GALC: variants seen among roughly 807,000 people sequenced by gnomAD.
GALC encodes the protein galactosylceramidase, also known as galactocerebrosidase.
Under a neutral mutation model 91.8 loss-of-function variants are expected in GALC, and 77 were observed. That is an observed-to-expected ratio of 0.84 (90% CI 0.70 to 1.01). The LOEUF (loss-of-function observed/expected upper bound fraction) is 1.01, where lower values mean the gene tolerates loss of function less well. GALC is among the 50% of genes least tolerant of loss of function. The pLI is 0.00. For missense variants in GALC, 882 were observed against 855.9 expected (o/e 1.03, Z -0.38); for synonymous variants, 357 against 306.7 (o/e 1.16, Z -1.71).
At chr14:87,985,673 A>T (rs1382987419) in intron 4 of GALC, among the ~76,000 whole-genome samples, 1 of 152,222 alleles carries the variant, frequency 6.6e-6, no homozygotes, top group African/African-American at 2.4e-5. Context: ...AATAACTAGA[A>T]ATCAGGTCTT....
At chr14:87,972,108 T>C (rs1886316054) in intron 7 of GALC, among the ~76,000 whole-genome samples, 1 of 152,054 alleles carries the variant, frequency 6.6e-6, no homozygotes, top group African/African-American at 2.4e-5. Flanking sequence ...AAAATTGCAA[T>C]AGCCCAAAAT....
At chr14:87,945,874 G>A in intron 13 of GALC, 141 bp from the exon 14 acceptor site, 3 of 652,646 alleles carry the variant, frequency 4.6e-6, no homozygotes, top group Non-Finnish European at 7.9e-6. Flanking sequence ...TAGGGCCTAG[G>A]TCTAATAAAG....
chr14:87,952,146 C>A (rs1260733286), intron 10 of GALC, among the ~76,000 whole-genome samples: 1 of 151,586 alleles, frequency 6.6e-6, no homozygotes. Flanking sequence ...AAGAATTAAA[C>A]AAAAACAAAT....
intron 13 of GALC, among the ~76,000 whole-genome samples, chr14:87,946,142 C>T (rs1885062088): frequency 6.6e-6 from 1 of 152,018 alleles, no homozygotes; most frequent in South Asian, 2.1e-4. Context: ...TAAGCCAGCA[C>T]CTGGCAAGGG....
intron 7 of GALC, among the ~76,000 whole-genome samples, chr14:87,971,850 G>A (rs41366148): frequency 0.11 from 17,193 of 152,130 alleles, 1,144 homozygotes; most frequent in Non-Finnish European, 0.16. Context: ...ATCAGGAATG[G>A]TAGAGCTTCA....
chr14:87,952,656 A>T (rs143246123), intron 10 of GALC: 1 of 1,539,818 alleles, frequency 6.5e-7, no homozygotes, highest in African/African-American at 1.4e-5. Flanking sequence ...AAAACAGCAC[A>T]AAAATCTTGA....
chr14:87,941,352 G>C, intron 15 of GALC, 43 bp downstream of exon 15: 1 of 1,204,584 alleles, frequency 8.3e-7, no homozygotes, highest in Non-Finnish European at 1.2e-6. Flanking sequence ...AAGTAACATA[G>C]CCCATAAGTC....
intron 14 of GALC, among the ~76,000 whole-genome samples, chr14:87,945,222 A>G (rs765531230): frequency 2.0e-4 from 30 of 152,122 alleles, no homozygotes; most frequent in Middle Eastern, 3.4e-3. Flanking sequence ...CAAAACAAAA[A>G]CTTAAAAATA....
chr14:87,958,277 T>A (rs1885644796), intron 10 of GALC, among the ~76,000 whole-genome samples: 1 of 151,996 alleles, frequency 6.6e-6, no homozygotes, highest in Admixed American at 6.6e-5. Context: ...GAATTCAGCA[T>A]AATCTACTGT....
At chr14:87,991,858 T>C (rs544773348) in intron 1 of GALC, among the ~76,000 whole-genome samples, 130 of 152,278 alleles carry the variant, frequency 8.5e-4, no homozygotes, top group African/African-American at 3.0e-3. Flanking sequence ...ACCCTAGATA[T>C]AGTATCACAA....
intron 1 of GALC, 39 bp downstream of exon 1, chr14:87,992,931 C>T (rs1446402597): frequency 4.0e-6 from 6 of 1,495,298 alleles, no homozygotes; most frequent in Non-Finnish European, 5.3e-6. Context: ...GGGGCGGGCT[C>T]TTGCCGCCCC....
chr14:87,941,691 G>A, intron 14 of GALC, 133 bp from the exon 15 acceptor site: 4 of 707,824 alleles, frequency 5.7e-6, no homozygotes, highest in Non-Finnish European at 1.0e-5. Flanking sequence ...GTCTAAGCCT[G>A]TAGCAGAGAT....
Position 87,993,097 on chromosome 14 carries a change from G to T in GALC, c.68C>A (p.Ser23Ter). 6.3e-7 allele frequency: 1 copy of T among 1,586,600 alleles called. No homozygotes were observed. The highest frequency in any genetic ancestry group is 1.1e-5 in the South Asian group (1 of 87,688). Reference protein sequence around the residue: ...RAKAMTAAAGSAGRAAVPLLL... With the variant: ...RAKAMTAAAG Reference sequence around the variant, plus strand: ...CAAGGGCACCGCGGCGCGGCCCGCCGAACCCGCGGCCGCAGTCATAGCTTT... The same window carrying T: ...CAAGGGCACCGCGGCGCGGCCCGCCTAACCCGCGGCCGCAGTCATAGCTTT... Residue 23 changes from serine to a stop codon, truncating the protein, a stop_gained, in exon 1 of 17, where the codon TCG (serine) becomes TAG (stop). Coordinates refer to ENST00000261304, the MANE Select transcript of GALC (RefSeq NM_000153.4). LOFTEE classifies it high-confidence loss of function.
intron 7 of GALC, among the ~76,000 whole-genome samples, chr14:87,970,699 AAAT>A (rs1243425820): frequency 2.0e-5 from 3 of 150,018 alleles, no homozygotes; most frequent in Non-Finnish European, 4.4e-5. Context: ...TCTCTACTAA[AAAT>A]ACAAAAAAAA....
chr14:87,948,041 C>CT (rs1885148998), intron 12 of GALC, among the ~76,000 whole-genome samples, 163 bp from the exon 13 acceptor site: 1 of 152,008 alleles, frequency 6.6e-6, no homozygotes, highest in Admixed American at 6.6e-5. Context: ...CCCTTGGAAT[C>CT]TTTTTTTCCT....
chr14:87,978,553 C>T (rs1016765554), intron 6 of GALC, among the ~76,000 whole-genome samples: 4 of 152,244 alleles, frequency 2.6e-5, no homozygotes, highest in Admixed American at 6.5e-5. Context: ...TAAGTCATTA[C>T]GAACAGCATT....
In GALC at chr14:87,970,737, T is replaced by C. The variant is rs1332791676; in HGVS notation, c.753-2247A>G. Among the ~76,000 whole-genome samples the C allele has an allele frequency of 7.5e-5, 11 of 146,962 alleles. No individual in the cohort carries two copies. The East Asian group carries it at 2.0e-3, about 26-fold the overall frequency. On this transcript the variant is annotated intron_variant, in intron 7 of 16. Transcript: ENST00000261304. ...AAAAAAAATTAGCCAGGCGTGGAGG[T>C]GTGTGCCTGTAGTCCCAGCTACTTG...
intron 14 of GALC, among the ~76,000 whole-genome samples, chr14:87,943,515 T>G (rs1410133850): frequency 2.0e-5 from 3 of 151,976 alleles, no homozygotes; most frequent in African/African-American, 7.2e-5. Context: ...AAGAAGATGA[T>G]TAAAATGAGG....
chr14:87,951,735 CA>C (rs1885317485), intron 10 of GALC, among the ~76,000 whole-genome samples: 1 of 151,808 alleles, frequency 6.6e-6, no homozygotes, highest in South Asian at 2.1e-4. Context: ...TCTAAATAAT[CA>C]ATAGATCAAA....
Sources: allele counts gnomAD v4.1 joint callset (sites outside exome capture counted in the v4.1 genomes callset), GRCh38; gene constraint gnomAD v4.1.1; transcripts MANE v1.5; gene names NCBI Gene and HGNC (gene_info 2026-07-23, HGNC 2026-07-21).